The following IDH3B variants were observed in gnomAD, a reference collection of about 807,000 sequenced individuals.
IDH3B encodes the protein isocitrate dehydrogenase (NAD(+)) 3 non-catalytic subunit beta.
A neutral mutation model predicts 47.5 loss-of-function variants in IDH3B; 40 were observed. That is an observed-to-expected ratio of 0.84 (90% CI 0.65 to 1.10). The LOEUF is 1.10. IDH3B is among the 50% of genes least tolerant of loss of function. The pLI is 0.00. For synonymous variants in IDH3B, 185 were observed against 191.0 expected (o/e 0.97, Z 0.26); for missense variants, 450 against 505.2 (o/e 0.89, Z 1.05).
rs2086905025 is a variant in IDH3B at position 2,659,766 on chromosome 20, C to G, written c.943G>C (p.Val315Leu). Residue 315 changes from valine to leucine, a missense_variant, in exon 10 of 12, where the codon GTG becomes CTG. Physicochemically the swap from Val to Leu is conservative, Grantham distance 32. Coordinates refer to ENST00000380843, the MANE Select transcript of IDH3B (RefSeq NM_006899.5). ...GTGGGATTGGCTATATTCCTGCCCACTGCCTGGGCAAATGGGTGCCGGGCA... is the reference window on the plus strand; with the variant it reads ...GTGGGATTGGCTATATTCCTGCCCAGTGCCTGGGCAAATGGGTGCCGGGCA... Reference protein sequence around the residue: ...TGARHPFAQAVGRNIANPTAM... With the variant: ...TGARHPFAQALGRNIANPTAM... 1 of 1,613,926 alleles carries G rather than the reference C, an allele frequency of 6.2e-7. No individual in the cohort carries two copies. Among genetic ancestry groups the G allele is most frequent in the Admixed American group, 1.7e-5 (1 of 60,004 alleles).
Position 2,664,153 on chromosome 20 carries a change from T to G in IDH3B, c.36A>C (p.Arg12=). 6.2e-7 allele frequency: 1 copy of G among 1,613,460 alleles called. No individual in the cohort carries two copies. Among genetic ancestry groups the G allele is most frequent in the South Asian group, 1.1e-5 (1 of 90,912 alleles). The change falls in exon 1 of 12, where the codon CGA becomes CGC. Residue 12 remains arginine, a splice_region_variant and synonymous_variant. Transcript: ENST00000380843. Reference sequence around the variant, plus strand: ...TGCCCGACATGTCCCGGGGCCTCACTCGGGTCAGCCAGCGGACTCCGCTCA... The same window carrying G: ...TGCCCGACATGTCCCGGGGCCTCACGCGGGTCAGCCAGCGGACTCCGCTCA... ...AALSGVRWLT[R]ALVSAGNPGA...
chr20:2,664,003 C>A lies in IDH3B; in HGVS notation c.39G>T (p.Ala13=). The change falls in exon 2 of 12, where the codon GCG becomes GCT. Residue 13 remains alanine (A), a splice_region_variant and synonymous_variant. Transcript: ENST00000380843. ...ALSGVRWLTR[A]LVSAGNPGAW... The stretch of plus-strand genomic sequence containing the variant: ...CCCCAGGGTTCCCGGCGGAGACCAG[C>A]GCCTGCAACAGGGACACACAAGCCT... 2 of 1,614,096 alleles carry A rather than the reference C, an allele frequency of 1.2e-6. No homozygotes were observed. The highest frequency in any genetic ancestry group is 2.2e-5 in the East Asian group (1 of 44,886).
rs377284854 is a variant in IDH3B at position 2,662,230 on chromosome 20, G to C, written c.337+1216C>G. On this transcript the variant is annotated intron_variant, in intron 4 of 11. Coordinates refer to ENST00000380843, the MANE Select transcript of IDH3B (RefSeq NM_006899.5). ...AACTAATACAGTGAATGAGTGAGAA[G>C]GACTCTAACAGGTAGCACCAAAGAA... 5.4e-4 allele frequency among the ~76,000 whole-genome samples: 82 copies of C among 152,242 alleles called. 2 individuals carry two copies. In the South Asian group the frequency reaches 0.016, roughly 30 times the overall value.
chr20:2,659,395 C>A, intron 11 of IDH3B, 130 bp downstream of exon 11: 1 of 1,554,994 alleles, frequency 6.4e-7, no homozygotes, highest in South Asian at 1.1e-5. Flanking sequence ...GCAGGGATGT[C>A]AGGGAGCAGA....
chr20:2,659,362 TG>T (rs1367950061), intron 11 of IDH3B, 162 bp downstream of exon 11: 12 of 1,575,160 alleles, frequency 7.6e-6, no homozygotes, highest in Non-Finnish European at 1.0e-5. Context: ...AGAAGGGAGA[TG>T]AAGAACAGCC....
chr20:2,663,739 T>C lies in IDH3B; in HGVS notation c.137A>G (p.Glu46Gly), dbSNP rs200844637. 1.2e-6 allele frequency: 2 copies of C among 1,614,008 alleles called. No homozygotes were observed. The highest frequency in any genetic ancestry group is 1.3e-5 in the African/African-American group (1 of 74,992). ...SRSQAEDVRVEGSFPVTMLPG... is the reference protein window; with the variant it reads ...SRSQAEDVRVGGSFPVTMLPG... ...AAGCATGGTCACGGGAAAGGAGCCC[T>C]CCACCCTCACGTCCTCGGCCTCAAT... Residue 46 changes from glutamate (E) to glycine (G), a missense_variant, in exon 3 of 12, where the codon GAG becomes GGG. Transcript: ENST00000380843.
At chr20:2,663,057 G>A (rs1053109299) in intron 4 of IDH3B, among the ~76,000 whole-genome samples, 1 of 151,922 alleles carries the variant, frequency 6.6e-6, no homozygotes, top group African/African-American at 2.4e-5. Flanking sequence ...AACCAGGGAC[G>A]GGGAGGTTGC....
Position 2,660,221 on chromosome 20 carries a change from C to G in IDH3B, c.768+42G>C. 5 of 1,613,902 alleles carry G rather than the reference C, an allele frequency of 3.1e-6. No homozygotes were observed. The highest frequency in any genetic ancestry group is 4.2e-6 in the Non-Finnish European group (5 of 1,179,802). ...CATGAAGTAAATTCCACTCCCCACC[C>G]TCCTCCTCCGCCCCATGAGTAGAGA... On this transcript the variant is annotated intron_variant, in intron 8 of 11. Coordinates refer to ENST00000380843, the MANE Select transcript of IDH3B (RefSeq NM_006899.5). The surrounding 1 kb of genome is among the most constrained non-coding windows in gnomAD (Gnocchi z 5.6).
intron 4 of IDH3B, among the ~76,000 whole-genome samples, chr20:2,661,445 G>A (rs1444728220): frequency 2.6e-5 from 4 of 152,222 alleles, no homozygotes; most frequent in South Asian, 2.1e-4. Flanking sequence ...TGATCCACCC[G>A]CCCCGGCCTT....
intron 11 of IDH3B, 137 bp downstream of exon 11, chr20:2,659,388 G>T: frequency 6.4e-7 from 1 of 1,553,306 alleles, no homozygotes; most frequent in Non-Finnish European, 8.9e-7. Flanking sequence ...GAGGGATGCA[G>T]GGATGTCAGG....
At position 2,663,461 on chromosome 20, in the gene IDH3B, T is replaced by A; in HGVS notation, c.322A>T (p.Lys108Ter). The A allele has an allele frequency of 6.2e-7, 1 of 1,614,222 alleles. No homozygotes were observed. Among genetic ancestry groups the A allele is most frequent in the South Asian group, 1.1e-5 (1 of 91,080 alleles). Residue 108 changes from lysine (K) to a stop codon, truncating the protein, a stop_gained, in exon 4 of 12, where the codon AAA becomes TAA. Transcript: ENST00000380843. LOFTEE classifies it high-confidence loss of function. ...GCACACATACCAATGATGGCCACTT[T>A]GTTCTCCTTCATGGAACTCAGCACC... ...EQVLSSMKEN[K>*]VAIIGKIHTP...
chr20:2,659,494 C>A (rs776183577), intron 11 of IDH3B, 31 bp downstream of exon 11: 2 of 1,610,374 alleles, frequency 1.2e-6, no homozygotes, highest in Non-Finnish European at 1.7e-6. Flanking sequence ...TACTCTAAAT[C>A]CTGAAGCCAG....
At position 2,660,098 on chromosome 20, in the gene IDH3B, C is replaced by T; in HGVS notation, c.847G>A (p.Gly283Ser). The T allele has an allele frequency of 6.2e-7, 1 of 1,614,136 alleles. No homozygotes were observed. The highest frequency in any genetic ancestry group is 8.5e-7 in the Non-Finnish European group (1 of 1,180,008). The change falls in exon 9 of 12, where the codon GGC (glycine) becomes AGC (serine). Residue 283 changes from glycine to serine, a missense_variant. Physicochemically the swap from Gly to Ser is moderately conservative, Grantham distance 56 (BLOSUM62 0). Transcript: ENST00000380843. The surrounding 1 kb of genome is among the most constrained non-coding windows in gnomAD (Gnocchi z 5.6). The part of the protein sequence containing the change: ...YGNIIDNLAA[G>S]LVGGAGVVPG... ...ACCACACCAGCTCCCCCAACCAGGC[C>T]AGCAGCCAGATTGTCAATAATGTTC...
Position 2,663,735 on chromosome 20 carries a change from G to A in IDH3B, c.141C>T (p.Gly47=), listed in dbSNP as rs1236275026. The A allele has an allele frequency of 6.2e-7, 1 of 1,614,184 alleles. No individual in the cohort carries two copies. Among genetic ancestry groups the A allele is most frequent in the Admixed American group, 1.7e-5 (1 of 60,022 alleles). ...CCGGAAGCATGGTCACGGGAAAGGA[G>A]CCCTCCACCCTCACGTCCTCGGCCT... The part of the protein sequence containing the change: ...RSQAEDVRVE[G]SFPVTMLPGD... The change falls in exon 3 of 12, where the codon GGC becomes GGT. Residue 47 remains glycine, a synonymous_variant. Coordinates refer to ENST00000380843, the MANE Select transcript of IDH3B (RefSeq NM_006899.5).
rs2086890703 is a variant in IDH3B at position 2,659,305 on chromosome 20, G to A, written c.1071+220C>T. On this transcript the variant is annotated intron_variant, in intron 11 of 11. Transcript: ENST00000380843. ...ATGGAGCAGGAAAGAGGGAACAGCA[G>A]ATGGGATCTAAGAGGCAAAAGAGAT... 2.0e-6 allele frequency: 3 copies of A among 1,499,792 alleles called. No individual in the cohort carries two copies. In the South Asian group the frequency reaches 4.0e-5, roughly 20 times the overall value. 92.9% of individuals were successfully genotyped at this position (1,499,792 alleles called of 1,614,324 possible).
chr20:2,659,121 A>C, intron 11 of IDH3B: 1 of 1,193,810 alleles, frequency 8.4e-7, no homozygotes, highest in African/African-American at 3.0e-5. Flanking sequence ...TCCTTGGAAG[A>C]AATAGAGACA....
In IDH3B at chr20:2,664,002, G is replaced by C. The variant is rs2087001306; in HGVS notation, c.40C>G (p.Leu14Val). Residue 14 changes from leucine (L) to valine (V), a missense_variant, in exon 2 of 12, where the codon CTG becomes GTG. Physicochemically the swap from Leu to Val is conservative, Grantham distance 32. Transcript: ENST00000380843. ...LSGVRWLTRA[L>V]VSAGNPGAWR... ...GCCCCAGGGTTCCCGGCGGAGACCA[G>C]CGCCTGCAACAGGGACACACAAGCC... The C allele has an allele frequency of 6.2e-7, 1 of 1,614,016 alleles. No individual in the cohort carries two copies. Among genetic ancestry groups the C allele is most frequent in the Non-Finnish European group, 8.5e-7 (1 of 1,180,022 alleles).
At chr20:2,659,272 G>A (rs556881885) in intron 11 of IDH3B, 3 of 1,453,270 alleles carry the variant, frequency 2.1e-6, no homozygotes, top group South Asian at 1.4e-5. Context: ...CCATGAAAAG[G>A]GCAGTGGATG....
chr20:2,658,982 G>C, intron 11 of IDH3B, 145 bp from the exon 12 acceptor site: 2 of 1,337,114 alleles, frequency 1.5e-6, no homozygotes, highest in Non-Finnish European at 1.9e-6. Flanking sequence ...GGAGGAGCCA[G>C]GATGGGAAGC....
Sources: gnomAD v4.1 joint callset for allele counts (sites outside exome capture counted in the v4.1 genomes callset) on GRCh38, gnomAD v4.1.1 for gene constraint, Gnocchi (gnomAD v3.1) non-coding constraint, MANE v1.5 for transcripts, NCBI Gene and HGNC (gene_info 2026-07-23, HGNC 2026-07-21) for gene names.